The following AUTS2 variants were observed in gnomAD, a reference collection of about 807,000 sequenced individuals.
AUTS2 encodes activator of transcription and developmental regulator AUTS2, also known as autism susceptibility gene 2 protein.
AUTS2 carries 17 observed loss-of-function variants against 112.4 expected under a neutral mutation model. The ratio of observed to expected loss-of-function variants is 0.15; its 90% CI spans 0.10 to 0.23. The LOEUF is 0.23. Ranked by LOEUF, AUTS2 falls within the 10% of genes least tolerant of loss-of-function variation. AUTS2 has a pLI of 1.00. For synonymous variants in AUTS2, 751 were observed against 702.7 expected (o/e 1.07, Z -1.09); for missense variants, 1,510 against 1,701.6 (o/e 0.89, Z 1.98).
chr7:70,752,022 G>A (rs1419328866), intron 6 of AUTS2, among the ~76,000 whole-genome samples: 1 of 151,216 alleles, frequency 6.6e-6, no homozygotes, highest in Non-Finnish European at 1.5e-5. Context: ...GCCACGCCTG[G>A]CCTGCATACA....
intron 1 of AUTS2, among the ~76,000 whole-genome samples, chr7:69,747,578 G>A (rs551372844): frequency 1.3e-5 from 2 of 152,230 alleles, no homozygotes; most frequent in Non-Finnish European, 1.5e-5. Context: ...TTACACATAG[G>A]GAAGTGGCTT....
At chr7:69,644,496 T>C (rs1794935351) in intron 1 of AUTS2, among the ~76,000 whole-genome samples, 1 of 148,850 alleles carries the variant, frequency 6.7e-6, no homozygotes, top group African/African-American at 2.5e-5. Flanking sequence ...CTGCATCTTG[T>C]CTTAAAAAAA....
intron 2 of AUTS2, among the ~76,000 whole-genome samples, chr7:70,078,234 A>G (rs1803131089): frequency 2.7e-5 from 4 of 150,812 alleles, no homozygotes; most frequent in Non-Finnish European, 5.9e-5. Flanking sequence ...GTTTTTTTTT[A>G]ATATGATAAC....
At chr7:70,220,138 A>G (rs1344444528) in intron 4 of AUTS2, among the ~76,000 whole-genome samples, 1 of 152,246 alleles carries the variant, frequency 6.6e-6, no homozygotes, top group African/African-American at 2.4e-5. Flanking sequence ...GCAGTCATAG[A>G]TAACGCAAAA....
intron 5 of AUTS2, among the ~76,000 whole-genome samples, chr7:70,539,096 G>A (rs1230375108): frequency 6.6e-6 from 1 of 152,138 alleles, no homozygotes; most frequent in Non-Finnish European, 1.5e-5. Flanking sequence ...ATGATTCCAC[G>A]CCCCTGATGC....
chr7:70,054,328 C>G (rs1397977743), intron 2 of AUTS2, among the ~76,000 whole-genome samples: 3 of 152,160 alleles, frequency 2.0e-5, no homozygotes, highest in Non-Finnish European at 4.4e-5. Flanking sequence ...CTCTTTCTCA[C>G]TCACTCCCTT....
At chr7:70,733,309 C>T (rs554465606) in intron 6 of AUTS2, among the ~76,000 whole-genome samples, 6 of 152,298 alleles carry the variant, frequency 3.9e-5, no homozygotes, top group African/African-American at 1.4e-4. Context: ...GTTTACATCA[C>T]TCAGAGTCAT....
At chr7:69,669,658 GA>G (rs1433632118) in intron 1 of AUTS2, among the ~76,000 whole-genome samples, 3 of 152,064 alleles carry the variant, frequency 2.0e-5, no homozygotes, top group Admixed American at 6.6e-5. Context: ...ATTTTGTTGG[GA>G]AAGATAACTC....
chr7:70,633,783 A>G (rs1172283294), intron 5 of AUTS2, among the ~76,000 whole-genome samples: 1 of 152,150 alleles, frequency 6.6e-6, no homozygotes, highest in Admixed American at 6.5e-5. Flanking sequence ...GGGTGTGGTA[A>G]TGTTCTTACT....
intron 4 of AUTS2, among the ~76,000 whole-genome samples, chr7:70,382,656 G>A (rs1793423987): frequency 6.6e-6 from 1 of 151,952 alleles, no homozygotes; most frequent in Non-Finnish European, 1.5e-5. Context: ...GTTTCTATCT[G>A]GACTCATTAT....
chr7:70,605,310 A>G (rs1036303053), intron 5 of AUTS2, among the ~76,000 whole-genome samples: 69 of 152,276 alleles, frequency 4.5e-4, no homozygotes, highest in African/African-American at 1.6e-3. Context: ...CCTACTGCTA[A>G]ATGAGACGAA....
At position 70,789,892 on chromosome 7, in the gene AUTS2, G is replaced by A; in HGVS notation, c.2676G>A (p.Glu892=). The A allele has an allele frequency of 6.2e-7, 1 of 1,614,164 alleles. No homozygotes were observed. Among genetic ancestry groups the A allele is most frequent in the Non-Finnish European group, 8.5e-7 (1 of 1,180,046 alleles). ...CTCGGGAGAAGGACAAACCCAAAGA[G>A]AGGGAGAGAGACCACTCGGAATCCC... ...TEAREKDKPK[E]RERDHSESRK... is the part of the protein sequence containing the mutation. Residue 892 remains glutamate (E), a synonymous_variant, in exon 19 of 19, where the codon GAG becomes GAA. Coordinates refer to ENST00000342771, the MANE Select transcript of AUTS2 (RefSeq NM_015570.4).
At chr7:70,430,238 C>T (rs1235440893) in intron 4 of AUTS2, among the ~76,000 whole-genome samples, 1 of 152,088 alleles carries the variant, frequency 6.6e-6, no homozygotes, top group Non-Finnish European at 1.5e-5. Context: ...GATGCTATTA[C>T]CAAGGGCAAC....
At chr7:70,526,061 A>T (rs963751308) in intron 5 of AUTS2, among the ~76,000 whole-genome samples, 1 of 152,184 alleles carries the variant, frequency 6.6e-6, no homozygotes, top group East Asian at 1.9e-4. Flanking sequence ...AGAAAAAAAA[A>T]TAACCCACAC....
chr7:70,264,585 A>T (rs1419875151), intron 4 of AUTS2, among the ~76,000 whole-genome samples: 1 of 152,032 alleles, frequency 6.6e-6, no homozygotes, highest in Non-Finnish European at 1.5e-5. Context: ...TTTCACTGGG[A>T]TTATCTAGGT....
At chr7:70,426,728 T>A (rs1262428339) in intron 4 of AUTS2, among the ~76,000 whole-genome samples, 1 of 152,200 alleles carries the variant, frequency 6.6e-6, no homozygotes, top group East Asian at 1.9e-4. Flanking sequence ...TCTATTAGCA[T>A]GTTCCATTTG....
At chr7:69,879,033 C>G (rs1281258110) in intron 1 of AUTS2, among the ~76,000 whole-genome samples, 2 of 152,104 alleles carry the variant, frequency 1.3e-5, no homozygotes, top group Non-Finnish European at 2.9e-5. Flanking sequence ...TCCTTTTACT[C>G]TGATGCTGCT....
At chr7:70,624,717 G>A (rs531927196) in intron 5 of AUTS2, among the ~76,000 whole-genome samples, 64 of 152,272 alleles carry the variant, frequency 4.2e-4, no homozygotes, top group Admixed American at 1.5e-3. Flanking sequence ...TGTGCCCCGC[G>A]TGGGAAGGCA....
intron 4 of AUTS2, among the ~76,000 whole-genome samples, chr7:70,299,076 GAA>G (rs903788522): frequency 1.8e-4 from 28 of 152,180 alleles, no homozygotes; most frequent in Non-Finnish European, 7.4e-5. Flanking sequence ...TTCTTTTGGA[GAA>G]ATAAGTTGAT....
Sources: allele counts gnomAD v4.1 joint callset (sites outside exome capture counted in the v4.1 genomes callset), GRCh38; gene constraint gnomAD v4.1.1; transcripts MANE v1.5; gene names NCBI Gene and HGNC (gene_info 2026-07-23, HGNC 2026-07-21).